KCNJ15: variants seen among roughly 807,000 people sequenced by gnomAD.
The protein encoded by KCNJ15 is ATP-sensitive inward rectifier potassium channel 15.
A neutral mutation model predicts 23.0 loss-of-function variants in KCNJ15; 14 were observed. The observed-to-expected ratio is 0.61, with a 90% CI of 0.40 to 0.95. The LOEUF is 0.95. Among genes scored for constraint, KCNJ15 ranks in the 40% least tolerant of loss-of-function variants. The pLI is 0.00. For synonymous variants in KCNJ15, 185 were observed against 183.2 expected, an observed-to-expected ratio of 1.01 and a Z score of -0.08; for missense variants, 388 against 461.8, an observed-to-expected ratio of 0.84 and a Z score of 1.46.
At chr21:38,278,216 C>A (rs1384362014) in intron 1 of KCNJ15, among the ~76,000 whole-genome samples, 1 of 152,138 alleles carries the variant, frequency 6.6e-6, no homozygotes, top group Non-Finnish European at 1.5e-5. Flanking sequence ...GACATTAAGG[C>A]CCTGCTAGAA....
rs936148174 is a variant in KCNJ15, at chr21:38,301,689, G to A, written c.*1300G>A. ...AACAAGATTTGAAAATCTCAAGCCT[G>A]TAAAGAATACCCCTGCTATTTAAAT... On this transcript the variant is annotated 3_prime_UTR_variant, in exon 3 of 3. Coordinates refer to ENST00000398938, the MANE Select transcript of KCNJ15 (RefSeq NM_170736.3). 1.2e-5 allele frequency: 2 copies of A among 167,064 alleles called. No homozygotes were observed. The highest frequency in any genetic ancestry group is 4.8e-5 in the African/African-American group (2 of 41,440). The allele number at this position is 167,064 out of a possible 1,614,324, so 10.3% of individuals were successfully genotyped here. A position where few individuals can be genotyped will look rare whatever the true frequency, so the allele number is the denominator to read the frequency against.
chr21:38,255,409 G>A (rs1298662804), upstream of KCNJ15, among the ~76,000 whole-genome samples: 1 of 152,178 alleles, frequency 6.6e-6, no homozygotes, highest in East Asian at 1.9e-4. Flanking sequence ...CTCGCGGGAG[G>A]TCTATCTGAT....
At chr21:38,240,220 T>C (rs553290386) in intron 1 of KCNJ15, among the ~76,000 whole-genome samples, 1 of 152,334 alleles carries the variant, frequency 6.6e-6, no homozygotes, top group East Asian at 1.9e-4. Flanking sequence ...TGCAGGTGGC[T>C]AACCCCATCT....
intron 1 of KCNJ15, 96 bp from the exon 2 acceptor site, chr21:38,296,830 T>C (rs893014735): frequency 1.3e-5 from 2 of 152,706 alleles, no homozygotes; most frequent in Admixed American, 6.5e-5. Context: ...GGAAGGTAAA[T>C]GCCACTGCGT....
At chr21:38,290,820 C>T (rs928994218) in intron 1 of KCNJ15, among the ~76,000 whole-genome samples, 2 of 152,028 alleles carry the variant, frequency 1.3e-5, no homozygotes, top group African/African-American at 4.8e-5. Flanking sequence ...GATACCTACC[C>T]GTAAAATGGA....
chr21:38,254,237 G>A (rs1017066950), upstream of KCNJ15, among the ~76,000 whole-genome samples: 1 of 152,114 alleles, frequency 6.6e-6, no homozygotes. Flanking sequence ...ACATAGACGC[G>A]CATTTTAGAA....
rs370531176 is a variant in KCNJ15 at position 38,245,043 on chromosome 21, T to A, written c.-398-12003T>A. Among the ~76,000 whole-genome samples, 16 of 152,162 alleles carry A rather than the reference T, an allele frequency of 1.1e-4. No individual in the cohort carries two copies. The East Asian group carries it at 2.9e-3, about 28-fold the overall frequency. ...AGGGGCTAGTGACTCATTCATGATG[T>A]GCAGGAAATGGCACAGACACCTCCA... On this transcript the variant is annotated intron_variant, in intron 1 of 4. Transcript: ENST00000547341.
chr21:38,245,773 A>C (rs978902368), intron 1 of KCNJ15, among the ~76,000 whole-genome samples: 7 of 152,226 alleles, frequency 4.6e-5, no homozygotes, highest in African/African-American at 1.7e-4. Context: ...TTACAGCTGG[A>C]AATCAAACAG....
At chr21:38,285,025 G>A (rs1426882078) in intron 1 of KCNJ15, among the ~76,000 whole-genome samples, 1 of 152,194 alleles carries the variant, frequency 6.6e-6, no homozygotes, top group East Asian at 1.9e-4. Context: ...CCTGTGCCAT[G>A]CTTAGCACAT....
In KCNJ15 at chr21:38,295,259, A is replaced by G. The variant is rs151329661; in HGVS notation, c.-116-1667A>G. ...AGTGGTATTTTTATTTACAAAATAT[A>G]GTAATTCTTGATCGCTGAAAATGTC... On this transcript the variant is annotated intron_variant, in intron 1 of 2. Transcript: ENST00000398938. Among the ~76,000 whole-genome samples the G allele has an allele frequency of 4.4e-3, 667 of 152,352 alleles. 2 individuals are homozygous for G. Among genetic ancestry groups the G allele is most frequent in the African/African-American group, 0.015 (621 of 41,566 alleles).
At chr21:38,271,022 G>A (rs1458016486) in intron 1 of KCNJ15, among the ~76,000 whole-genome samples, 3 of 152,268 alleles carry the variant, frequency 2.0e-5, no homozygotes, top group Non-Finnish European at 4.4e-5. Flanking sequence ...GTGAAGCTGA[G>A]TCCATCTGGA....
At chr21:38,269,573 G>T (rs933262997) in intron 1 of KCNJ15, among the ~76,000 whole-genome samples, 6 of 152,208 alleles carry the variant, frequency 3.9e-5, no homozygotes, top group Admixed American at 1.3e-4. Context: ...TAAAGAAAAA[G>T]AAAATCAACT....
chr21:38,274,608 T>G (rs955551781), intron 1 of KCNJ15, among the ~76,000 whole-genome samples: 11 of 152,202 alleles, frequency 7.2e-5, no homozygotes, highest in African/African-American at 2.7e-4. Context: ...TCCTTTCATC[T>G]TTCCTTCCTA....
chr21:38,238,803 T>C (rs143602261), intron 1 of KCNJ15: 142 of 306,284 alleles, frequency 4.6e-4, no homozygotes, highest in African/African-American at 3.0e-3. Context: ...CAATATGTTA[T>C]TGTCCAGAGC....
rs977028165 is a variant in KCNJ15 at position 38,304,064 on chromosome 21, T to TC, written c.*3675_*3676insC. The TC allele has an allele frequency of 2.0e-5, 3 of 151,936 alleles. No individual in the cohort carries two copies. The highest frequency in any genetic ancestry group is 4.4e-5 in the Non-Finnish European group (3 of 67,966). 9.4% of individuals were successfully genotyped at this position (151,936 alleles called of 1,614,324 possible). A position where few individuals can be genotyped will look rare whatever the true frequency, so the allele number is the denominator to read the frequency against. On this transcript the variant is annotated 3_prime_UTR_variant, in exon 3 of 3. Coordinates refer to ENST00000398938, the MANE Select transcript of KCNJ15 (RefSeq NM_170736.3). ...TAAATTTCTGAAATAACTAGTTTTTTTTTTTTGAACTTGAAAATCAGCTTT... is the reference window on the plus strand; with the variant it reads ...TAAATTTCTGAAATAACTAGTTTTTTCTTTTTTGAACTTGAAAATCAGCTTT...
chr21:38,273,568 C>T (rs989349520), intron 1 of KCNJ15, among the ~76,000 whole-genome samples: 4 of 152,210 alleles, frequency 2.6e-5, no homozygotes, highest in African/African-American at 9.7e-5. Flanking sequence ...TTACCCTATT[C>T]AATTACCCAT....
chr21:38,249,050 C>T (rs778561480), intron 1 of KCNJ15, among the ~76,000 whole-genome samples: 1 of 152,124 alleles, frequency 6.6e-6, no homozygotes, highest in African/African-American at 2.4e-5. Context: ...TAAGACCAAA[C>T]CTACATTTCT....
chr21:38,232,372 C>G (rs1978334785), intron 1 of KCNJ15, among the ~76,000 whole-genome samples: 1 of 151,628 alleles, frequency 6.6e-6, no homozygotes, highest in Non-Finnish European at 1.5e-5. Flanking sequence ...ATTTGGTCAA[C>G]TGTGTTGGTT....
intron 1 of KCNJ15, among the ~76,000 whole-genome samples, chr21:38,291,131 G>A (rs1481470833): frequency 6.6e-6 from 1 of 152,144 alleles, no homozygotes; most frequent in Non-Finnish European, 1.5e-5. Context: ...ACAATGGGGT[G>A]TCTGGGGGCT....
Sources: gnomAD v4.1 joint callset for allele counts (sites outside exome capture counted in the v4.1 genomes callset) on GRCh38, gnomAD v4.1.1 for gene constraint, MANE v1.5 for transcripts, NCBI Gene and HGNC (gene_info 2026-07-23, HGNC 2026-07-21) for gene names.